The following PTPRD variants were observed in gnomAD, a reference collection of about 807,000 sequenced individuals.
The protein encoded by PTPRD is protein tyrosine phosphatase receptor type D.
Under a neutral mutation model 214.5 loss-of-function variants are expected in PTPRD, and 34 were observed. The observed-to-expected ratio is 0.16, with a 90% confidence interval of 0.12 to 0.21. The LOEUF is 0.21. PTPRD is among the 10% of genes least tolerant of loss of function. The pLI is 1.00. For missense variants in PTPRD, 2,545 were observed against 2,398.7 expected, an observed-to-expected ratio of 1.06 and a Z score of -1.27; for synonymous variants, 1,128 against 845.7, an observed-to-expected ratio of 1.33 and a Z score of -5.79.
chr9:9,957,229 C>A (rs1159120197), intron 4 of PTPRD, among the ~76,000 whole-genome samples: 1 of 152,020 alleles, frequency 6.6e-6, no homozygotes, highest in Non-Finnish European at 1.5e-5. Context: ...TTAACAGAGG[C>A]AAAGAATACT....
intron 2 of PTPRD, among the ~76,000 whole-genome samples, chr9:10,468,060 A>C (rs1427979731): frequency 6.6e-6 from 1 of 152,202 alleles, no homozygotes. Context: ...GTGGGAGTGT[A>C]AATTAGTTCA....
chr9:8,910,599 C>T (rs2098740380), intron 11 of PTPRD, among the ~76,000 whole-genome samples: 1 of 152,114 alleles, frequency 6.6e-6, no homozygotes, highest in Non-Finnish European at 1.5e-5. Context: ...AGCAAGAAGG[C>T]TTTCAGCAAA....
At chr9:8,620,070 G>C (rs907454427) in intron 14 of PTPRD, among the ~76,000 whole-genome samples, 11 of 151,960 alleles carry the variant, frequency 7.2e-5, no homozygotes, top group African/African-American at 2.7e-4. Context: ...TTAGGGCTAA[G>C]AATCTATCAG....
At chr9:9,649,443 T>C (rs187569652) in intron 7 of PTPRD, among the ~76,000 whole-genome samples, 39 of 152,074 alleles carry the variant, frequency 2.6e-4, no homozygotes, top group Non-Finnish European at 4.1e-4. Context: ...TAATCATAAA[T>C]ATATGGAAAG....
intron 2 of PTPRD, among the ~76,000 whole-genome samples, chr9:10,478,729 T>G (rs908862661): frequency 4.6e-5 from 7 of 151,356 alleles, no homozygotes; most frequent in Non-Finnish European, 1.0e-4. Context: ...GTAATATATA[T>G]GTATATGTAT....
At chr9:8,567,117 G>A (rs10815916) in intron 14 of PTPRD, among the ~76,000 whole-genome samples, 1 of 151,922 alleles carries the variant, frequency 6.6e-6, no homozygotes, top group Non-Finnish European at 1.5e-5. Flanking sequence ...TTATCAGTAC[G>A]TTATAAACAA....
At chr9:8,916,529 G>A (rs115474938) in intron 11 of PTPRD, among the ~76,000 whole-genome samples, 5 of 152,270 alleles carry the variant, frequency 3.3e-5, no homozygotes, top group African/African-American at 9.6e-5. Flanking sequence ...ACTGGAGGTA[G>A]TGTGTAGAGA....
intron 11 of PTPRD, among the ~76,000 whole-genome samples, chr9:8,763,614 T>C (rs2094536434): frequency 6.6e-6 from 1 of 151,510 alleles, no homozygotes; most frequent in Admixed American, 6.6e-5. Context: ...ACAAATGTCA[T>C]TTTTGTTTTG....
intron 36 of PTPRD, among the ~76,000 whole-genome samples, chr9:8,392,315 T>C (rs1049583726): frequency 1.3e-5 from 2 of 151,936 alleles, no homozygotes; most frequent in African/African-American, 2.4e-5. Flanking sequence ...TTATTGAGAA[T>C]AGCACATGAC....
At chr9:9,055,062 A>G (rs1417534978) in intron 10 of PTPRD, among the ~76,000 whole-genome samples, 1 of 152,206 alleles carries the variant, frequency 6.6e-6, no homozygotes, top group Non-Finnish European at 1.5e-5. Flanking sequence ...GACAGTAGAT[A>G]TTGGTGCAGC....
intron 7 of PTPRD, among the ~76,000 whole-genome samples, chr9:9,617,742 G>A (rs1428428091): frequency 6.6e-6 from 1 of 152,032 alleles, no homozygotes; most frequent in Non-Finnish European, 1.5e-5. Context: ...AGCCTTGGAA[G>A]GATGTTTAGA....
chr9:9,888,191 C>A (rs973065110), intron 5 of PTPRD, among the ~76,000 whole-genome samples: 1 of 152,058 alleles, frequency 6.6e-6, no homozygotes, highest in African/African-American at 2.4e-5. Flanking sequence ...GTGTGAAACA[C>A]AATTCTGAGA....
chr9:9,988,465 T>A (rs1010569485), intron 4 of PTPRD, among the ~76,000 whole-genome samples: 4 of 152,180 alleles, frequency 2.6e-5, no homozygotes, highest in Admixed American at 2.6e-4. Context: ...ACAACAGATG[T>A]TATTATCTAT....
chr9:9,455,772 A>C (rs1361552853), intron 8 of PTPRD, among the ~76,000 whole-genome samples: 6 of 151,818 alleles, frequency 4.0e-5, no homozygotes, highest in African/African-American at 1.4e-4. Flanking sequence ...CAATATACTA[A>C]ATATTATAAA....
chr9:8,484,627 T>C (rs565511483), intron 29 of PTPRD, among the ~76,000 whole-genome samples: 2 of 151,822 alleles, frequency 1.3e-5, no homozygotes, highest in African/African-American at 4.8e-5. Flanking sequence ...CATATATATA[T>C]ATAGAAAATA....
At chr9:9,203,036 T>G (rs2099942778) in intron 9 of PTPRD, among the ~76,000 whole-genome samples, 1 of 152,156 alleles carries the variant, frequency 6.6e-6, no homozygotes, top group Non-Finnish European at 1.5e-5. Context: ...TATTCCCAGC[T>G]GCCTATTTGC....
intron 11 of PTPRD, among the ~76,000 whole-genome samples, chr9:8,908,940 T>A (rs1185008672): frequency 6.7e-6 from 1 of 150,120 alleles, no homozygotes; most frequent in Non-Finnish European, 1.5e-5. Flanking sequence ...TTGACATGAA[T>A]ATGAAAATAA....
intron 5 of PTPRD, among the ~76,000 whole-genome samples, chr9:9,872,983 T>C (rs1427437480): frequency 6.6e-6 from 1 of 152,184 alleles, no homozygotes; most frequent in Non-Finnish European, 1.5e-5. Context: ...CTAAGCACTT[T>C]ACAATTGAGA....
intron 3 of PTPRD, among the ~76,000 whole-genome samples, chr9:10,100,878 A>G (rs930439115): frequency 6.6e-6 from 1 of 151,526 alleles, no homozygotes; most frequent in Non-Finnish European, 1.5e-5. Context: ...AAATAATAAT[A>G]AAGAAACAAA....
Sources: gnomAD v4.1 joint callset for allele counts (sites outside exome capture counted in the v4.1 genomes callset) on GRCh38, gnomAD v4.1.1 for gene constraint, MANE v1.5 for transcripts, NCBI Gene and HGNC (gene_info 2026-07-23, HGNC 2026-07-21) for gene names.